The following RYR2 variants were observed in gnomAD, a reference collection of about 807,000 sequenced individuals.
The protein encoded by RYR2 is cardiac muscle ryanodine receptor-calcium release channel.
Under a neutral mutation model 601.1 loss-of-function variants are expected in RYR2, and 227 were observed. That is an observed-to-expected ratio of 0.38 (90% confidence interval 0.34 to 0.42). RYR2 has a LOEUF of 0.42. Ranked by LOEUF, RYR2 falls within the 10% of genes least tolerant of loss-of-function variation. RYR2 has a pLI of 1.00. For missense variants in RYR2, 4,646 were observed against 6,156.5 expected (o/e 0.75, Z 8.21); for synonymous variants, 2,223 against 2,175.1 (o/e 1.02, Z -0.61).
At chr1:237,599,309 A>C (rs1001342003) in intron 34 of RYR2, among the ~76,000 whole-genome samples, 1 of 152,226 alleles carries the variant, frequency 6.6e-6, no homozygotes, top group African/African-American at 2.4e-5. Flanking sequence ...AAGGCATCCA[A>C]ATTGGAAAAG....
chr1:237,073,452 A>C (rs897131552), intron 1 of RYR2, among the ~76,000 whole-genome samples: 47 of 152,304 alleles, frequency 3.1e-4, no homozygotes, highest in African/African-American at 1.1e-3. Flanking sequence ...TATGGCAGCC[A>C]CTGGCCATGT....
Position 237,614,132 on chromosome 1 carries a change from G to A in RYR2, c.5004G>A (p.Gly1668=), listed in dbSNP as rs371085573. ...LRLYSAVCAL[G]NHRVAHALCS... The stretch of plus-strand genomic sequence containing the variant: ...TCTACTCAGCCGTCTGTGCTCTTGG[G>A]AACCACCGGGTGGCCCATGCCCTGT... The change falls in exon 37 of 105, where the codon GGG becomes GGA. Residue 1668 remains glycine, a synonymous_variant. Coordinates refer to ENST00000366574, the MANE Select transcript of RYR2 (RefSeq NM_001035.3). The surrounding 1 kb of genome is among the most constrained non-coding windows in gnomAD (Gnocchi z 4.3). 9.3e-6 allele frequency: 15 copies of A among 1,613,968 alleles called. No individual in the cohort carries two copies. The African/African-American group carries it at 1.5e-4, about 16-fold the overall frequency.
At chr1:237,830,865 G>A (rs549487279) in intron 103 of RYR2, among the ~76,000 whole-genome samples, 12 of 152,232 alleles carry the variant, frequency 7.9e-5, no homozygotes, top group Admixed American at 5.9e-4. Context: ...ATGAAGAGGT[G>A]GACAGGGAGG....
chr1:237,693,238 A>G (rs1467135514), intron 63 of RYR2, among the ~76,000 whole-genome samples: 1 of 150,838 alleles, frequency 6.6e-6, no homozygotes, highest in Non-Finnish European at 1.5e-5. Flanking sequence ...ATTCCTTAAG[A>G]GGTCCATGAA....
chr1:237,748,833 AT>A (rs1303936060), intron 80 of RYR2, among the ~76,000 whole-genome samples: 3 of 152,196 alleles, frequency 2.0e-5, no homozygotes, highest in Non-Finnish European at 2.9e-5. Context: ...TCGAAAAAAT[AT>A]TTGCTTCTGT....
rs4542202 is a variant in RYR2 at position 237,643,676 on chromosome 1, A to G, written c.7342+229A>G. On this transcript the variant is annotated intron_variant, in intron 48 of 104. Transcript: ENST00000366574. Reference sequence around the variant, plus strand: ...AGCCCAGGCTGGAGTGCAGTGGCACAATCTTGGCTCACTGCAAGCTCCGCC... The same window carrying G: ...AGCCCAGGCTGGAGTGCAGTGGCACGATCTTGGCTCACTGCAAGCTCCGCC... 0.37 allele frequency among the ~76,000 whole-genome samples: 56,366 copies of G among 150,962 alleles called. 11,173 individuals are homozygous for G. Among genetic ancestry groups the G allele is most frequent in the African/African-American group, 0.52 (21,326 of 41,102 alleles).
chr1:237,655,957 T>C lies in RYR2; in HGVS notation c.8102T>C (p.Phe2701Ser). The C allele has an allele frequency of 6.2e-7, 1 of 1,613,542 alleles. No individual in the cohort carries two copies. Among genetic ancestry groups the C allele is most frequent in the Non-Finnish European group, 8.5e-7 (1 of 1,179,678 alleles). Residue 2701 changes from phenylalanine (F) to serine (S), a missense_variant, in exon 53 of 105, where the codon TTT (phenylalanine) becomes TCT (serine). Coordinates refer to ENST00000366574, the MANE Select transcript of RYR2 (RefSeq NM_001035.3). Reference sequence around the variant, plus strand: ...TCATCAATGGATTCTGAAGGGAACTTTAACCCACAACCTGTTGATACCTCA... The same window carrying C: ...TCATCAATGGATTCTGAAGGGAACTCTAACCCACAACCTGTTGATACCTCA... ...KQSSMDSEGNFNPQPVDTSNI... is the reference protein window; with the variant it reads ...KQSSMDSEGNSNPQPVDTSNI...
At chr1:237,661,383 A>C (rs900310176) in intron 56 of RYR2, among the ~76,000 whole-genome samples, 2 of 152,128 alleles carry the variant, frequency 1.3e-5, no homozygotes, top group Admixed American at 6.5e-5. Context: ...CATTAAGAGA[A>C]ATACCTAATG....
chr1:237,590,140 A>G (rs779636980), intron 30 of RYR2, 139 bp downstream of exon 30: 5 of 782,572 alleles, frequency 6.4e-6, no homozygotes, highest in Non-Finnish European at 9.8e-6. Context: ...AGTGGAATCT[A>G]AGCAAAGATG....
intron 1 of RYR2, among the ~76,000 whole-genome samples, chr1:237,242,825 C>G (rs1476072005): frequency 6.6e-6 from 1 of 152,040 alleles, no homozygotes; most frequent in Admixed American, 6.6e-5. Flanking sequence ...ATGATAGGAG[C>G]CTTTTGGTGT....
At chr1:237,774,911 A>G (rs1307482137) in intron 87 of RYR2, among the ~76,000 whole-genome samples, 1 of 152,110 alleles carries the variant, frequency 6.6e-6, no homozygotes, top group East Asian at 1.9e-4. Flanking sequence ...CTTGGTTCCT[A>G]AAATAATTGA....
intron 12 of RYR2, among the ~76,000 whole-genome samples, chr1:237,426,961 C>CG (rs1312061199): frequency 6.6e-6 from 1 of 152,128 alleles, no homozygotes; most frequent in Non-Finnish European, 1.5e-5. Context: ...GTGAAAGGTA[C>CG]GGTAGGTGCT....
At chr1:237,118,744 C>T (rs1382248379) in intron 1 of RYR2, among the ~76,000 whole-genome samples, 1 of 152,116 alleles carries the variant, frequency 6.6e-6, no homozygotes, top group East Asian at 1.9e-4. Context: ...GCTGGGACTA[C>T]AGGCATGGAC....
intron 1 of RYR2, among the ~76,000 whole-genome samples, chr1:237,160,762 T>TA (rs906525043): frequency 2.0e-4 from 30 of 152,026 alleles, no homozygotes; most frequent in Admixed American, 1.6e-3. Context: ...AGATAGTTTT[T>TA]AAAAAAAACC....
chr1:237,445,158 G>A (rs574643142), intron 13 of RYR2, among the ~76,000 whole-genome samples: 1 of 151,968 alleles, frequency 6.6e-6, no homozygotes, highest in African/African-American at 2.4e-5. Context: ...GACCAGCCTG[G>A]GCAACATAGC....
chr1:237,676,426 G>A (rs1184241579), intron 60 of RYR2, among the ~76,000 whole-genome samples: 2 of 152,108 alleles, frequency 1.3e-5, no homozygotes, highest in East Asian at 1.9e-4. Flanking sequence ...TATCCACAGG[G>A]TAGAGGGCCT....
intron 10 of RYR2, among the ~76,000 whole-genome samples, chr1:237,401,592 G>A (rs1014875746): frequency 5.3e-5 from 8 of 152,200 alleles, no homozygotes; most frequent in African/African-American, 1.9e-4. Flanking sequence ...TGTGGAATTA[G>A]GATATTTTAC....
chr1:237,507,622 A>T (rs973613960), intron 23 of RYR2, among the ~76,000 whole-genome samples: 1 of 152,246 alleles, frequency 6.6e-6, no homozygotes, highest in African/African-American at 2.4e-5. Flanking sequence ...AGTAATATTT[A>T]TATATTTATT....
intron 26 of RYR2, among the ~76,000 whole-genome samples, chr1:237,549,616 T>C (rs1239836297): frequency 1.3e-5 from 2 of 148,682 alleles, no homozygotes; most frequent in East Asian, 4.0e-4. Flanking sequence ...CCCTGTGTGA[T>C]TCCATAGCTT....
Sources: gnomAD v4.1 joint callset for allele counts (sites outside exome capture counted in the v4.1 genomes callset) on GRCh38, gnomAD v4.1.1 for gene constraint, Gnocchi (gnomAD v3.1) non-coding constraint, MANE v1.5 for transcripts, NCBI Gene and HGNC (gene_info 2026-07-23, HGNC 2026-07-21) for gene names.